DLEU7: variants seen among roughly 807,000 people sequenced by gnomAD.
DLEU7 encodes the protein deleted in lymphocytic leukemia 7, also known as leukemia-associated protein 7.
A neutral mutation model predicts 16.0 loss-of-function variants in DLEU7; 17 were observed. That is an observed-to-expected ratio of 1.06 (90% CI 0.73 to 1.59). The LOEUF is 1.59. Among genes scored for constraint, DLEU7 ranks in the 40% most tolerant of loss-of-function variants. DLEU7 has a pLI of 0.00. For synonymous variants in DLEU7, 113 were observed against 139.8 expected (o/e 0.81, Z 1.35); for missense variants, 308 against 314.9 (o/e 0.98, Z 0.17).
intron 1 of DLEU7, among the ~76,000 whole-genome samples, chr13:50,756,405 G>A (rs946107878): frequency 2.0e-5 from 3 of 152,186 alleles, no homozygotes; most frequent in African/African-American, 7.2e-5. Flanking sequence ...TGCTGTGGGA[G>A]ATGAGGGTGA....
chr13:50,812,180 C>T (rs1182009407), intron 1 of DLEU7, among the ~76,000 whole-genome samples: 5 of 151,664 alleles, frequency 3.3e-5, no homozygotes, highest in Non-Finnish European at 2.9e-5. Flanking sequence ...GTAGCAGAAC[C>T]TATTTTCAAT....
chr13:50,794,420 G>A (rs1876052668), intron 1 of DLEU7, among the ~76,000 whole-genome samples: 1 of 152,080 alleles, frequency 6.6e-6, no homozygotes, highest in African/African-American at 2.4e-5. Flanking sequence ...AAAAGGGGAA[G>A]CTGAAAAATT....
intron 1 of DLEU7, among the ~76,000 whole-genome samples, chr13:50,761,425 C>CAA (rs11414256): frequency 4.6e-5 from 7 of 151,244 alleles, no homozygotes; most frequent in Admixed American, 1.3e-4. Context: ...ATGTCATGTG[C>CAA]AAAAAAAAGA....
At chr13:50,766,066 G>T (rs1875095233) in intron 1 of DLEU7, among the ~76,000 whole-genome samples, 1 of 152,206 alleles carries the variant, frequency 6.6e-6, no homozygotes, top group Non-Finnish European at 1.5e-5. Context: ...GTGTAGCTTT[G>T]CCTCAGCAAG....
At position 50,823,252 on chromosome 13, in the gene DLEU7, G is replaced by A; in HGVS notation, c.*62C>T. On this transcript the variant is annotated 3_prime_UTR_variant, in exon 2 of 2. Transcript: ENST00000504404. Reference sequence around the variant, plus strand: ...CATTGTCTGCTGACTCAATTAGGAAGGTAAGGTATCTGGTTCTCTTAACAG... The same window carrying A: ...CATTGTCTGCTGACTCAATTAGGAAAGTAAGGTATCTGGTTCTCTTAACAG... 4 of 1,524,330 alleles carry A rather than the reference G, an allele frequency of 2.6e-6. No homozygotes were observed. The highest frequency in any genetic ancestry group is 3.5e-6 in the Non-Finnish European group (4 of 1,137,778). The allele number at this position is 1,524,330 out of a possible 1,614,324, so 94.4% of individuals were successfully genotyped here.
At chr13:50,787,350 A>G (rs1319186149) in intron 1 of DLEU7, among the ~76,000 whole-genome samples, 1 of 152,210 alleles carries the variant, frequency 6.6e-6, no homozygotes, top group Non-Finnish European at 1.5e-5. Flanking sequence ...AGAGAAATGA[A>G]TAACATTGTC....
chr13:50,745,830 G>C lies in DLEU7; in HGVS notation c.460-32590C>G, dbSNP rs145446126. On this transcript the variant is annotated intron_variant, in intron 1 of 1. Transcript: ENST00000400393. ...CTGATTCTTTCAGTCTATTTAATAG[G>C]AAAGACAGGATATATATTCAAAGGG... Among the ~76,000 whole-genome samples the C allele has an allele frequency of 1.8e-3, 273 of 152,182 alleles. 1 individual carries two copies. The highest frequency in any genetic ancestry group is 2.6e-3 in the Non-Finnish European group (178 of 67,984).
chr13:50,723,581 G>A (rs914363835), intron 1 of DLEU7, among the ~76,000 whole-genome samples: 3 of 152,188 alleles, frequency 2.0e-5, no homozygotes, highest in African/African-American at 4.8e-5. Context: ...TGGTGAGAGC[G>A]TCTTTGGTTT....
chr13:50,766,354 G>A (rs184170296), intron 1 of DLEU7, among the ~76,000 whole-genome samples: 1 of 152,192 alleles, frequency 6.6e-6, no homozygotes, highest in African/African-American at 2.4e-5. Context: ...GCAGGCTCGT[G>A]CTGGGCTCTT....
intron 1 of DLEU7, among the ~76,000 whole-genome samples, chr13:50,738,029 G>A (rs1457646795): frequency 6.6e-6 from 1 of 152,074 alleles, no homozygotes; most frequent in Non-Finnish European, 1.5e-5. Flanking sequence ...TGCTGATATG[G>A]AGGAAGTTTG....
chr13:50,765,851 T>G (rs1875086180), intron 1 of DLEU7, among the ~76,000 whole-genome samples: 1 of 152,166 alleles, frequency 6.6e-6, no homozygotes, highest in Non-Finnish European at 1.5e-5. Context: ...AGACAGCAAG[T>G]GAAGGCCAAG....
intron 1 of DLEU7, among the ~76,000 whole-genome samples, chr13:50,772,662 T>A (rs61964480): frequency 2.0e-5 from 3 of 152,234 alleles, no homozygotes; most frequent in Non-Finnish European, 2.9e-5. Context: ...CTTCCCTTTG[T>A]GGGTAACCCG....
chr13:50,752,052 C>CTTTTTTTTTTTTTTTTTTTTTTTTTT (rs200928092), intron 1 of DLEU7, among the ~76,000 whole-genome samples: 2 of 135,738 alleles, frequency 1.5e-5, no homozygotes, highest in African/African-American at 5.5e-5. Flanking sequence ...CTCTTTCAGT[C>CTTTTTTTTTTTTTTTTTTTTTTTTTT]TTTTTTTTTT....
chr13:50,834,590 G>C (rs942347501), intron 1 of DLEU7, among the ~76,000 whole-genome samples: 1 of 152,156 alleles, frequency 6.6e-6, no homozygotes, highest in African/African-American at 2.4e-5. Flanking sequence ...TTACACTGTT[G>C]GTGGGAGTGT....
chr13:50,779,229 C>T (rs912584210), intron 1 of DLEU7, among the ~76,000 whole-genome samples: 4 of 152,256 alleles, frequency 2.6e-5, no homozygotes, highest in Admixed American at 6.5e-5. Flanking sequence ...CGGAATCTCC[C>T]CAAGTCCTAT....
At chr13:50,786,876 A>G (rs866917409) in intron 1 of DLEU7, among the ~76,000 whole-genome samples, 9 of 152,234 alleles carry the variant, frequency 5.9e-5, no homozygotes, top group Admixed American at 1.3e-4. Flanking sequence ...CCAACATGCC[A>G]TAAATCACTG....
upstream of DLEU7, chr13:50,843,843 A>G: frequency 1.5e-6 from 1 of 672,878 alleles, no homozygotes; most frequent in Non-Finnish European, 2.3e-6. The surrounding 1 kb of genome is among the most constrained non-coding windows in gnomAD (Gnocchi z 5.7). Context: ...CTGAAGTCCG[A>G]ATCAGGCGTG....
At chr13:50,733,153 C>T (rs1873967009) in intron 1 of DLEU7, among the ~76,000 whole-genome samples, 1 of 152,176 alleles carries the variant, frequency 6.6e-6, no homozygotes, top group Non-Finnish European at 1.5e-5. Context: ...ATATTAGAAC[C>T]ATCTGAGAAA....
At chr13:50,830,984 T>A (rs1397715915) in intron 1 of DLEU7, among the ~76,000 whole-genome samples, 1 of 152,092 alleles carries the variant, frequency 6.6e-6, no homozygotes, top group Non-Finnish European at 1.5e-5. Flanking sequence ...AGCTACCACA[T>A]TGAGGGGTTT....
Sources: allele counts gnomAD v4.1 joint callset (sites outside exome capture counted in the v4.1 genomes callset), GRCh38; gene constraint gnomAD v4.1.1; non-coding constraint Gnocchi (gnomAD v3.1); transcripts MANE v1.5; gene names NCBI Gene and HGNC (gene_info 2026-07-23, HGNC 2026-07-21).